Variants in EXOC6 observed in about 807,000 individuals in gnomAD.
The protein encoded by EXOC6 is exocyst complex component 6.
EXOC6 carries 60 observed loss-of-function variants against 112.5 expected under a neutral mutation model. That is an observed-to-expected ratio of 0.53 (90% CI 0.43 to 0.66). The LOEUF is 0.66. Ranked by LOEUF, EXOC6 falls within the 30% of genes least tolerant of loss-of-function variation. The pLI, the probability that EXOC6 is intolerant of heterozygous loss-of-function variation, is 0.00. For missense variants in EXOC6, 855 were observed against 957.1 expected (o/e 0.89, Z 1.41); for synonymous variants, 295 against 308.0 (o/e 0.96, Z 0.44).
chr10:93,049,969 C>T (rs1026893292), intron 20 of EXOC6, among the ~76,000 whole-genome samples: 16 of 152,082 alleles, frequency 1.1e-4, no homozygotes, highest in African/African-American at 3.9e-4. Context: ...TTGCACAATT[C>T]TGTGAATAGA....
In EXOC6 at chr10:93,054,869, T is replaced by G. The variant is rs930832620; in HGVS notation, c.2170-2055T>G. On this transcript the variant is annotated intron_variant, in intron 20 of 21. Transcript: ENST00000260762. ...CAACTCTGTGAGGGGTGTTCATTAT[T>G]GAAATTTATTTTAATATATAAATAT... Among the ~76,000 whole-genome samples, 5 of 152,294 alleles carry G rather than the reference T, an allele frequency of 3.3e-5. No individual in the cohort carries two copies. The East Asian group carries it at 9.6e-4, about 29-fold the overall frequency.
At chr10:92,999,707 ATT>A (rs11399257) in intron 19 of EXOC6, among the ~76,000 whole-genome samples, 2 of 145,352 alleles carry the variant, frequency 1.4e-5, no homozygotes, top group Non-Finnish European at 3.0e-5. Context: ...ATTGTGCCTA[ATT>A]TTTTTTTTTT....
At position 92,909,578 on chromosome 10, in the gene EXOC6, T is replaced by C. The variant is rs1333117371; in HGVS notation, c.610T>C (p.Leu204=). 2 of 1,612,904 alleles carry C rather than the reference T, an allele frequency of 1.2e-6. No homozygotes were observed. Among genetic ancestry groups the C allele is most frequent in the Admixed American group, 1.7e-5 (1 of 59,942 alleles). ...CTCCATGTCTGATCTCAAAGACTTT[T>C]TGGAAAGTATTCGAAAACATTCTGA... is the stretch of plus-strand genomic sequence containing the variant. ...EISMSDLKDF[L]ESIRKHSDKI... Residue 204 remains leucine, a synonymous_variant, in exon 6 of 22, where the codon TTG becomes CTG. Transcript: ENST00000260762.
chr10:92,856,271 A>C (rs1470803195), intron 1 of EXOC6, among the ~76,000 whole-genome samples: 1 of 147,486 alleles, frequency 6.8e-6, no homozygotes, highest in Non-Finnish European at 1.5e-5. Context: ...ATGGAACCCA[A>C]CCTTACGATG....
At chr10:92,936,868 C>T (rs1328108268) in intron 12 of EXOC6, among the ~76,000 whole-genome samples, 2 of 151,704 alleles carry the variant, frequency 1.3e-5, no homozygotes, top group South Asian at 4.2e-4. Flanking sequence ...ATAACCTCTG[C>T]GATATTGGGA....
upstream of EXOC6, among the ~76,000 whole-genome samples, chr10:92,845,677 G>A (rs1393312993): frequency 6.6e-6 from 1 of 152,024 alleles, no homozygotes; most frequent in Non-Finnish European, 1.5e-5. Flanking sequence ...GGTGGCTCAC[G>A]CCTGTAATCC....
chr10:92,954,969 ATTGT>A (rs1228393765), intron 16 of EXOC6, among the ~76,000 whole-genome samples: 1 of 152,040 alleles, frequency 6.6e-6, no homozygotes. Context: ...AGGCAGGAGG[ATTGT>A]TTGAGGTCAG....
intron 4 of EXOC6, among the ~76,000 whole-genome samples, chr10:92,896,174 T>A (rs1849794565): frequency 4.3e-5 from 1 of 23,046 alleles, no homozygotes; most frequent in African/African-American, 2.0e-4. Context: ...TATATATATA[T>A]ATATATATTT....
chr10:92,835,802 T>A (rs1392721426), intron 1 of EXOC6, among the ~76,000 whole-genome samples: 3 of 152,206 alleles, frequency 2.0e-5, no homozygotes, highest in Non-Finnish European at 4.4e-5. Context: ...GATTCTTGGA[T>A]TATCAATATG....
intron 18 of EXOC6, 27 bp from the exon 19 acceptor site, chr10:92,997,447 G>T: frequency 6.3e-7 from 1 of 1,584,290 alleles, no homozygotes; most frequent in South Asian, 1.2e-5. Flanking sequence ...TTATTTGTTT[G>T]ATTTTTGGTT....
At chr10:93,025,926 A>G (rs1845005621) in intron 20 of EXOC6, among the ~76,000 whole-genome samples, 1 of 152,192 alleles carries the variant, frequency 6.6e-6, no homozygotes, top group Non-Finnish European at 1.5e-5. Flanking sequence ...TTTCAAGGAT[A>G]ACCACTATCA....
At chr10:92,892,084 A>G (rs960705443) in intron 1 of EXOC6, among the ~76,000 whole-genome samples, 5 of 152,154 alleles carry the variant, frequency 3.3e-5, no homozygotes, top group African/African-American at 1.2e-4. Context: ...ACCTCAAACA[A>G]TGGGCAACGG....
At chr10:92,970,426 A>G (rs894453406) in intron 17 of EXOC6, among the ~76,000 whole-genome samples, 2 of 151,926 alleles carry the variant, frequency 1.3e-5, no homozygotes, top group Non-Finnish European at 2.9e-5. Context: ...CAAATACCAC[A>G]CCATTTTATA....
intron 18 of EXOC6, among the ~76,000 whole-genome samples, chr10:92,980,726 TTAG>T (rs1842796644): frequency 1.3e-5 from 2 of 152,220 alleles, no homozygotes; most frequent in Non-Finnish European, 2.9e-5. Context: ...TATCTCTAAA[TTAG>T]TACCCTTGGA....
rs576666167 is a variant in EXOC6 at position 92,917,853 on chromosome 10, G to A, written c.819+1940G>A. ...CCATGCCCGGCATCCTATTGCTTTC[G>A]AAAGTTTTTTCTACAGGGCTTGATG... is the stretch of plus-strand genomic sequence containing the variant. On this transcript the variant is annotated intron_variant, in intron 7 of 21. Transcript: ENST00000260762. 3.9e-5 allele frequency among the ~76,000 whole-genome samples: 6 copies of A among 152,252 alleles called. No homozygotes were observed. The East Asian group carries it at 7.7e-4, about 20-fold the overall frequency.
At chr10:92,946,860 T>A (rs541335890) in intron 13 of EXOC6, among the ~76,000 whole-genome samples, 10 of 152,344 alleles carry the variant, frequency 6.6e-5, no homozygotes, top group African/African-American at 2.4e-4. Context: ...TGTCTAACTT[T>A]CCATGAGATG....
intron 20 of EXOC6, among the ~76,000 whole-genome samples, chr10:93,031,926 A>C (rs1435012530): frequency 6.6e-6 from 1 of 152,210 alleles, no homozygotes; most frequent in African/African-American, 2.4e-5. Flanking sequence ...TTTCACGATA[A>C]ATTGTTAAGT....
At chr10:92,975,502 G>T (rs1467609234) in intron 18 of EXOC6, among the ~76,000 whole-genome samples, 50 of 148,456 alleles carry the variant, frequency 3.4e-4, no homozygotes, top group Non-Finnish European at 7.0e-4. Flanking sequence ...CGCCCACCCA[G>T]CCGCCCCGTC....
intron 6 of EXOC6, 102 bp downstream of exon 6, chr10:92,909,733 T>C (rs1246558170): frequency 1.4e-6 from 1 of 710,310 alleles, no homozygotes; most frequent in Non-Finnish European, 2.2e-6. Flanking sequence ...CTTATTTTTG[T>C]TTTACCTTTT....
Sources: gnomAD v4.1 joint callset for allele counts (sites outside exome capture counted in the v4.1 genomes callset) on GRCh38, gnomAD v4.1.1 for gene constraint, MANE v1.5 for transcripts, NCBI Gene and HGNC (gene_info 2026-07-23, HGNC 2026-07-21) for gene names.